Variants in NPAS3 observed in about 807,000 individuals in gnomAD.
NPAS3 encodes neuronal PAS domain-containing protein 3.
NPAS3 carries 14 observed loss-of-function variants against 73.1 expected under a neutral mutation model. The observed-to-expected ratio is 0.19, with a 90% CI of 0.13 to 0.30. The LOEUF is 0.30. NPAS3 is among the 10% of genes least tolerant of loss of function. The probability of loss-of-function intolerance (pLI) is 1.00; values close to 1 mark genes in which losing one functional copy is unlikely to be tolerated. For missense variants in NPAS3, 1,096 were observed against 1,250.0 expected (o/e 0.88, Z 1.86); for synonymous variants, 620 against 541.5 (o/e 1.14, Z -2.01).
chr14:33,445,351 G>A (rs17101159), intron 4 of NPAS3, among the ~76,000 whole-genome samples: 3,033 of 152,074 alleles, frequency 0.02, 101 homozygotes, highest in African/African-American at 0.067. Context: ...TTATCATTCC[G>A]TCTTTGTGAA....
intron 6 of NPAS3, among the ~76,000 whole-genome samples, chr14:33,721,024 G>A (rs1272429823): frequency 6.6e-6 from 1 of 152,092 alleles, no homozygotes; most frequent in African/African-American, 2.4e-5. Flanking sequence ...AGCCAAAAAT[G>A]AAGTAGAAAA....
intron 7 of NPAS3, among the ~76,000 whole-genome samples, chr14:33,763,711 A>G (rs1301702076): frequency 6.6e-6 from 1 of 152,248 alleles, no homozygotes; most frequent in African/African-American, 2.4e-5. Flanking sequence ...ATTTGTGTCT[A>G]CAATGCCTTA....
chr14:33,476,004 A>G (rs1023528672), intron 4 of NPAS3, among the ~76,000 whole-genome samples: 3 of 152,186 alleles, frequency 2.0e-5, no homozygotes, highest in African/African-American at 7.2e-5. Context: ...CTAGTAAGCC[A>G]TGGCTGCGCT....
intron 3 of NPAS3, among the ~76,000 whole-genome samples, chr14:33,353,950 A>G (rs1251819779): frequency 6.6e-6 from 1 of 152,184 alleles, no homozygotes; most frequent in Admixed American, 6.5e-5. Flanking sequence ...GAAGAGCTGG[A>G]GGCTGAGATC....
intron 6 of NPAS3, among the ~76,000 whole-genome samples, chr14:33,712,255 C>G (rs2060839214): frequency 1.3e-5 from 2 of 152,174 alleles, no homozygotes; most frequent in Admixed American, 6.5e-5. Flanking sequence ...CTAGCCTCAG[C>G]TGGCACAGGT....
At chr14:33,702,879 A>C (rs1308856006) in intron 6 of NPAS3, among the ~76,000 whole-genome samples, 3 of 152,200 alleles carry the variant, frequency 2.0e-5, no homozygotes, top group African/African-American at 4.8e-5. Flanking sequence ...CTTTGAAAAT[A>C]AGCCCTAGGT....
intron 5 of NPAS3, among the ~76,000 whole-genome samples, chr14:33,643,407 A>T (rs1397681278): frequency 7.0e-6 from 1 of 143,702 alleles, no homozygotes; most frequent in Non-Finnish European, 1.5e-5. Context: ...AACGAGAGAG[A>T]TGGAGCAAGA....
At chr14:33,333,439 T>C (rs142906001) in intron 3 of NPAS3, among the ~76,000 whole-genome samples, 2,023 of 152,290 alleles carry the variant, frequency 0.013, 42 homozygotes, top group African/African-American at 0.046. Flanking sequence ...TATATTTAGT[T>C]CACATGCAAA....
intron 5 of NPAS3, among the ~76,000 whole-genome samples, chr14:33,639,606 A>T (rs950018116): frequency 6.6e-6 from 1 of 152,152 alleles, no homozygotes; most frequent in African/African-American, 2.4e-5. Flanking sequence ...GTTCAGGTAC[A>T]TAAGAGCCAA....
intron 4 of NPAS3, among the ~76,000 whole-genome samples, chr14:33,464,472 G>T (rs576349774): frequency 5.3e-5 from 8 of 152,212 alleles, no homozygotes; most frequent in Admixed American, 5.2e-4. Context: ...CAAAGCATCG[G>T]TGACATAGCT....
chr14:33,722,273 T>A (rs1241297861), intron 6 of NPAS3, among the ~76,000 whole-genome samples: 1 of 152,154 alleles, frequency 6.6e-6, no homozygotes, highest in African/African-American at 2.4e-5. Context: ...ACAAATTTGT[T>A]TTGCCCATGG....
At chr14:33,473,887 G>A (rs1357083335) in intron 4 of NPAS3, among the ~76,000 whole-genome samples, 3 of 152,152 alleles carry the variant, frequency 2.0e-5, no homozygotes, top group South Asian at 2.1e-4. Context: ...TAGATGTGAT[G>A]AAGGCATATG....
At chr14:33,740,866 C>A (rs1173645919) in intron 7 of NPAS3, among the ~76,000 whole-genome samples, 1 of 152,098 alleles carries the variant, frequency 6.6e-6, no homozygotes, top group Non-Finnish European at 1.5e-5. Flanking sequence ...GGGCCTCTCT[C>A]TTTCTGAAAA....
At chr14:33,708,713 G>A (rs532674509) in intron 6 of NPAS3, among the ~76,000 whole-genome samples, 4 of 152,164 alleles carry the variant, frequency 2.6e-5, no homozygotes, top group East Asian at 3.8e-4. Flanking sequence ...ACATGGAGGT[G>A]GGGGGAGCAG....
In NPAS3 at chr14:33,746,697, A is replaced by G. The variant is rs551125033; in HGVS notation, c.852+11365A>G. Among the ~76,000 whole-genome samples the G allele has an allele frequency of 1.5e-3, 229 of 152,264 alleles. 1 individual carries two copies. The highest frequency in any genetic ancestry group is 6.8e-3 in the Middle Eastern group (2 of 294). On this transcript the variant is annotated intron_variant, in intron 7 of 11. Transcript: ENST00000356141. Reference sequence around the variant, plus strand: ...GAAATTACCGAGAATTAGAAAGGTTAAGTAACTGGTGTAAGAATAAACAGT... The same window carrying G: ...GAAATTACCGAGAATTAGAAAGGTTGAGTAACTGGTGTAAGAATAAACAGT...
intron 2 of NPAS3, among the ~76,000 whole-genome samples, chr14:33,060,294 G>T (rs374590574): frequency 3.9e-5 from 6 of 152,250 alleles, no homozygotes; most frequent in African/African-American, 1.4e-4. Flanking sequence ...GAGGAAGAGT[G>T]GGGTGTCTTT....
intron 2 of NPAS3, among the ~76,000 whole-genome samples, chr14:33,095,800 C>G (rs2042398496): frequency 6.6e-6 from 1 of 151,234 alleles, no homozygotes; most frequent in Admixed American, 6.6e-5. Flanking sequence ...TCTGGAGTAG[C>G]TGGGACTACA....
chr14:33,627,631 A>G (rs543027786), intron 5 of NPAS3, among the ~76,000 whole-genome samples: 1 of 152,240 alleles, frequency 6.6e-6, no homozygotes, highest in Non-Finnish European at 1.5e-5. Context: ...TTTTTCACGC[A>G]CATAACTTTG....
intron 4 of NPAS3, among the ~76,000 whole-genome samples, chr14:33,445,172 A>G (rs187122388): frequency 2.0e-3 from 309 of 152,344 alleles, no homozygotes; most frequent in African/African-American, 7.1e-3. Context: ...TTCTCCATGC[A>G]TGAGTCACAT....
Sources: allele counts gnomAD v4.1 joint callset (sites outside exome capture counted in the v4.1 genomes callset), GRCh38; gene constraint gnomAD v4.1.1; transcripts MANE v1.5; gene names NCBI Gene and HGNC (gene_info 2026-07-23, HGNC 2026-07-21).